Variants in ERP44 observed in about 807,000 individuals in gnomAD.
The protein encoded by ERP44 is endoplasmic reticulum protein 44, also known as endoplasmic reticulum resident protein 44.
In ERP44, 25 loss-of-function variants were observed where a neutral mutation model predicts 53.4. That is an observed-to-expected ratio of 0.47 (90% CI 0.34 to 0.65). The LOEUF (loss-of-function observed/expected upper bound fraction) is 0.65, where lower values mean the gene tolerates loss of function less well. Ranked by LOEUF, ERP44 falls within the 30% of genes least tolerant of loss-of-function variation. The pLI is 0.01. For synonymous variants in ERP44, 145 were observed against 161.2 expected (o/e 0.90, Z 0.76); for missense variants, 338 against 493.2 (o/e 0.69, Z 2.98).
At chr9:100,073,782 G>A (rs1826328651) in intron 1 of ERP44, among the ~76,000 whole-genome samples, 1 of 152,166 alleles carries the variant, frequency 6.6e-6, no homozygotes, top group Admixed American at 6.5e-5. Context: ...TCATCTAACA[G>A]CAGAGGCTTT....
intron 10 of ERP44, among the ~76,000 whole-genome samples, chr9:100,002,893 A>C (rs1283917270): frequency 1.3e-5 from 2 of 152,132 alleles, no homozygotes; most frequent in Non-Finnish European, 2.9e-5. Context: ...ATTTTAAATA[A>C]GCTTTCTACC....
intron 1 of ERP44, among the ~76,000 whole-genome samples, chr9:100,085,950 A>AT (rs1205288259): frequency 6.6e-6 from 1 of 152,190 alleles, no homozygotes; most frequent in African/African-American, 2.4e-5. Context: ...TTATTTTTTC[A>AT]TATTTTCAGT....
At chr9:100,091,168 G>A (rs929674005) in intron 1 of ERP44, among the ~76,000 whole-genome samples, 2 of 152,148 alleles carry the variant, frequency 1.3e-5, no homozygotes, top group African/African-American at 4.8e-5. Context: ...CTTAAAATTA[G>A]AGTCCAATAT....
intron 1 of ERP44, among the ~76,000 whole-genome samples, chr9:100,094,316 T>TA (rs550473930): frequency 0.017 from 2,501 of 143,210 alleles, 28 homozygotes; most frequent in African/African-American, 0.026. Context: ...CTTGTACCTT[T>TA]AAAAAAAAAA....
intron 1 of ERP44, among the ~76,000 whole-genome samples, chr9:100,085,350 C>G (rs982120364): frequency 2.6e-5 from 4 of 152,220 alleles, no homozygotes; most frequent in African/African-American, 2.4e-5. Flanking sequence ...TATCTGCCAA[C>G]AGGTTCTCAC....
At chr9:100,041,645 C>T (rs761250741) in intron 4 of ERP44, among the ~76,000 whole-genome samples, 10 of 151,928 alleles carry the variant, frequency 6.6e-5, no homozygotes, top group Admixed American at 1.3e-4. Context: ...TCCAGCCCCG[C>T]GACAGAGCAA....
chr9:100,032,882 C>A (rs533953831), intron 4 of ERP44, among the ~76,000 whole-genome samples: 2 of 152,164 alleles, frequency 1.3e-5, no homozygotes, highest in Non-Finnish European at 2.9e-5. Context: ...CTGAAATGTT[C>A]GTGACTATTA....
chr9:100,055,450 G>A (rs1826079335), intron 3 of ERP44, among the ~76,000 whole-genome samples: 1 of 152,302 alleles, frequency 6.6e-6, no homozygotes, highest in South Asian at 2.1e-4. Flanking sequence ...TCAGCTCACC[G>A]CAACCTCCGC....
intron 7 of ERP44, 68 bp from the exon 8 acceptor site, chr9:100,016,506 T>TC: frequency 6.8e-7 from 1 of 1,465,394 alleles, no homozygotes; most frequent in South Asian, 1.4e-5. Context: ...TTATTTTTTT[T>TC]CTTTATATTT....
chr9:100,016,562 C>CA (rs2118646659), intron 7 of ERP44, 124 bp from the exon 8 acceptor site: 1 of 1,337,528 alleles, frequency 7.5e-7, no homozygotes, highest in African/African-American at 1.5e-5. Context: ...AGTACAGTGA[C>CA]ATGATCATGG....
chr9:100,040,327 GA>G (rs1452257464), intron 4 of ERP44, among the ~76,000 whole-genome samples: 1 of 152,162 alleles, frequency 6.6e-6, no homozygotes, highest in Non-Finnish European at 1.5e-5. Flanking sequence ...GACCAAGTGA[GA>G]TTTATCTCTG....
At chr9:99,987,150 A>G (rs1830203031) in intron 10 of ERP44, among the ~76,000 whole-genome samples, 1 of 152,220 alleles carries the variant, frequency 6.6e-6, no homozygotes, top group Non-Finnish European at 1.5e-5. Context: ...GTGCAAAAGG[A>G]AAAGACGAGA....
At chr9:100,042,311 C>T (rs1825913356) in intron 4 of ERP44, among the ~76,000 whole-genome samples, 1 of 152,130 alleles carries the variant, frequency 6.6e-6, no homozygotes, top group Non-Finnish European at 1.5e-5. Context: ...TAAAAACGTG[C>T]ACAACATCAC....
rs549678573 is a variant in ERP44 at position 100,011,423 on chromosome 9, TA to T, written c.763-3735del. On this transcript the variant is annotated intron_variant, in intron 8 of 11. Transcript: ENST00000262455. ...GTATTAAAAAGAAAAGAAGAGAATA[TA>T]AAATTGAGTGCAGTGCACATAGAAG... 2.4e-3 allele frequency among the ~76,000 whole-genome samples: 364 copies of T among 152,284 alleles called. 3 individuals carry two copies. Among genetic ancestry groups the T allele is most frequent in the African/African-American group, 8.5e-3 (355 of 41,558 alleles).
intron 4 of ERP44, among the ~76,000 whole-genome samples, chr9:100,040,049 A>G (rs1825885735): frequency 6.6e-6 from 1 of 152,176 alleles, no homozygotes; most frequent in Non-Finnish European, 1.5e-5. Flanking sequence ...GCAAAAAAAA[A>G]GCCCAGGACC....
At chr9:100,077,260 G>A (rs979295278) in intron 1 of ERP44, among the ~76,000 whole-genome samples, 3 of 152,180 alleles carry the variant, frequency 2.0e-5, no homozygotes, top group Admixed American at 6.5e-5. Flanking sequence ...TGACAAAGAC[G>A]CTCACTTTAC....
chr9:100,013,145 G>A (rs1830493363), intron 8 of ERP44, among the ~76,000 whole-genome samples: 1 of 152,128 alleles, frequency 6.6e-6, no homozygotes, highest in Admixed American at 6.5e-5. Context: ...GAAAGATTCA[G>A]GGAATCTTGG....
At chr9:100,069,815 T>C (rs1483293624) in intron 1 of ERP44, among the ~76,000 whole-genome samples, 1 of 152,196 alleles carries the variant, frequency 6.6e-6, no homozygotes, top group African/African-American at 2.4e-5. Flanking sequence ...CAAAATTTGT[T>C]GCAATTCATA....
intron 1 of ERP44, among the ~76,000 whole-genome samples, chr9:100,087,657 T>C (rs1353409751): frequency 2.0e-5 from 3 of 152,168 alleles, no homozygotes; most frequent in East Asian, 1.9e-4. Context: ...AAATAACTTT[T>C]TGAAGTTACA....
Sources: allele counts gnomAD v4.1 joint callset (sites outside exome capture counted in the v4.1 genomes callset), GRCh38; gene constraint gnomAD v4.1.1; transcripts MANE v1.5; gene names NCBI Gene and HGNC (gene_info 2026-07-23, HGNC 2026-07-21).